The following COMMD10 variants were observed in gnomAD, a reference collection of about 807,000 sequenced individuals.
COMMD10 encodes COMM domain-containing protein 10.
COMMD10 carries 33 observed loss-of-function variants against 28.9 expected under a neutral mutation model. The observed-to-expected ratio is 1.14, with a 90% CI of 0.87 to 1.53. The LOEUF (loss-of-function observed/expected upper bound fraction) is 1.53, where lower values mean the gene tolerates loss of function less well. COMMD10 is among the 40% of genes most tolerant of loss of function. The pLI is 0.00. For synonymous variants in COMMD10, 110 were observed against 81.7 expected (o/e 1.35, Z -1.87); for missense variants, 310 against 233.4 (o/e 1.33, Z -2.14).
intron 5 of COMMD10, among the ~76,000 whole-genome samples, chr5:116,220,474 G>C (rs1749221820): frequency 6.6e-6 from 1 of 151,786 alleles, no homozygotes; most frequent in African/African-American, 2.4e-5. Flanking sequence ...AATAAACTTT[G>C]GGAGTGTTAG....
chr5:116,163,199 T>A (rs1217383818), intron 5 of COMMD10, among the ~76,000 whole-genome samples: 1 of 151,386 alleles, frequency 6.6e-6, no homozygotes, highest in Non-Finnish European at 1.5e-5. Flanking sequence ...TTTCTTAGTG[T>A]CTAGTAGCTG....
At chr5:116,224,482 G>T (rs1414125495) in intron 5 of COMMD10, among the ~76,000 whole-genome samples, 1 of 152,182 alleles carries the variant, frequency 6.6e-6, no homozygotes, top group African/African-American at 2.4e-5. Flanking sequence ...TTCTGGTAAG[G>T]CCTCAGGAAG....
intron 4 of COMMD10, among the ~76,000 whole-genome samples, chr5:116,119,771 C>T (rs982640448): frequency 6.6e-6 from 1 of 151,910 alleles, no homozygotes; most frequent in African/African-American, 2.4e-5. Context: ...GCTGTCATGC[C>T]TAGATACTTT....
At chr5:116,216,986 A>G (rs1749120026) in intron 5 of COMMD10, among the ~76,000 whole-genome samples, 1 of 152,150 alleles carries the variant, frequency 6.6e-6, no homozygotes, top group African/African-American at 2.4e-5. Context: ...TTGAGGGGAT[A>G]GATTTTTAAA....
chr5:116,154,723 A>C (rs1041246810), intron 5 of COMMD10, among the ~76,000 whole-genome samples: 1 of 152,106 alleles, frequency 6.6e-6, no homozygotes, highest in African/African-American at 2.4e-5. Context: ...CCTTGACCAC[A>C]GAACTTACTT....
At chr5:116,179,192 A>T (rs1474940031) in intron 5 of COMMD10, among the ~76,000 whole-genome samples, 2 of 152,188 alleles carry the variant, frequency 1.3e-5, no homozygotes, top group African/African-American at 4.8e-5. Context: ...CTAATAAATA[A>T]GATTCAATAC....
intron 3 of COMMD10, 60 bp downstream of exon 3, chr5:116,091,249 A>G (rs1263036130): frequency 4.6e-5 from 37 of 811,526 alleles, no homozygotes; most frequent in Non-Finnish European, 6.9e-5. Flanking sequence ...TTGTATTGTT[A>G]TGATATCTAT....
chr5:116,137,009 C>G (rs554765696), intron 5 of COMMD10, among the ~76,000 whole-genome samples: 28 of 152,064 alleles, frequency 1.8e-4, no homozygotes, highest in Non-Finnish European at 4.0e-4. Flanking sequence ...GAGCTACCAT[C>G]ACCTAGGCAG....
chr5:116,085,328 G>A (rs886748208), intron 1 of COMMD10: 2 of 562,572 alleles, frequency 3.6e-6, no homozygotes, highest in Admixed American at 3.4e-5. Context: ...CCTGGCAGCT[G>A]AGGTCTGTAC....
At chr5:116,250,837 C>A (rs1750091652) in intron 5 of COMMD10, among the ~76,000 whole-genome samples, 1 of 151,996 alleles carries the variant, frequency 6.6e-6, no homozygotes, top group South Asian at 2.1e-4. Context: ...AATTGGCTCA[C>A]CTACTTCACT....
intron 5 of COMMD10, among the ~76,000 whole-genome samples, chr5:116,272,604 G>A (rs1480856740): frequency 6.6e-6 from 1 of 151,646 alleles, no homozygotes; most frequent in Non-Finnish European, 1.5e-5. Flanking sequence ...TTCTGACTGT[G>A]CTTTGTCTTC....
chr5:116,239,936 C>T (rs1157322350), intron 5 of COMMD10, among the ~76,000 whole-genome samples: 1 of 152,060 alleles, frequency 6.6e-6, no homozygotes, highest in African/African-American at 2.4e-5. Context: ...GCTTATTTTT[C>T]ACTCCCCCCC....
chr5:116,141,591 G>A (rs1561626521), intron 5 of COMMD10, among the ~76,000 whole-genome samples: 1 of 151,546 alleles, frequency 6.6e-6, no homozygotes, highest in Admixed American at 6.6e-5. Flanking sequence ...TCTTTAATCA[G>A]TGTGTTATAG....
chr5:116,209,092 G>A (rs563140516), intron 5 of COMMD10, among the ~76,000 whole-genome samples: 6 of 151,730 alleles, frequency 4.0e-5, no homozygotes, highest in Admixed American at 3.9e-4. Context: ...TTACCCTAAA[G>A]CCTTTTAAAG....
chr5:116,148,388 G>A (rs929871394), intron 5 of COMMD10, among the ~76,000 whole-genome samples: 8 of 151,698 alleles, frequency 5.3e-5, no homozygotes, highest in African/African-American at 1.9e-4. Flanking sequence ...TTATGATAGA[G>A]TAGATACGAA....
intron 5 of COMMD10, among the ~76,000 whole-genome samples, chr5:116,155,896 A>T (rs58246337): frequency 0.015 from 2,213 of 152,140 alleles, 61 homozygotes; most frequent in African/African-American, 0.05. Context: ...ACATTTATTA[A>T]TATAAGAGAA....
intron 5 of COMMD10, among the ~76,000 whole-genome samples, chr5:116,144,283 A>C (rs537052445): frequency 6.6e-6 from 1 of 151,898 alleles, no homozygotes; most frequent in Admixed American, 6.6e-5. Context: ...TACCAAAGGA[A>C]GAGAGCATTT....
At chr5:116,289,709 A>G (rs947478329) in intron 5 of COMMD10, among the ~76,000 whole-genome samples, 12 of 151,860 alleles carry the variant, frequency 7.9e-5, no homozygotes, top group Non-Finnish European at 1.5e-4. Flanking sequence ...GCTATTCCAC[A>G]TGGGAGAGAG....
At chr5:116,087,798 A>G (rs1348959186) in intron 2 of COMMD10, among the ~76,000 whole-genome samples, 5 of 152,228 alleles carry the variant, frequency 3.3e-5, no homozygotes, top group Non-Finnish European at 5.9e-5. Flanking sequence ...GGAACTTTTC[A>G]GAGTATTTTA....
Sources: allele counts gnomAD v4.1 joint callset (sites outside exome capture counted in the v4.1 genomes callset), GRCh38; gene constraint gnomAD v4.1.1; transcripts MANE v1.5; gene names NCBI Gene and HGNC (gene_info 2026-07-23, HGNC 2026-07-21).